MARK1: variants seen among roughly 807,000 people sequenced by gnomAD.
MARK1 encodes microtubule affinity regulating kinase 1.
A neutral mutation model predicts 96.3 loss-of-function variants in MARK1; 40 were observed. The ratio of observed to expected loss-of-function variants is 0.42; its 90% CI spans 0.32 to 0.54. The LOEUF (loss-of-function observed/expected upper bound fraction) is 0.54, where lower values mean the gene tolerates loss of function less well. MARK1 is among the 20% of genes least tolerant of loss of function. MARK1 has a pLI of 0.16. For missense variants in MARK1, 719 were observed against 984.6 expected, an observed-to-expected ratio of 0.73 and a Z score of 3.61; for synonymous variants, 317 against 341.2, an observed-to-expected ratio of 0.93 and a Z score of 0.78.
At chr1:220,631,692 T>C (rs2103006288) in intron 10 of MARK1, among the ~76,000 whole-genome samples, 1 of 152,300 alleles carries the variant, frequency 6.6e-6, no homozygotes, top group East Asian at 1.9e-4. Context: ...TGTGTTCCTA[T>C]CTGGCTTGAG....
At chr1:220,617,144 TCA>T (rs1315606867) in intron 7 of MARK1, among the ~76,000 whole-genome samples, 1 of 152,192 alleles carries the variant, frequency 6.6e-6, no homozygotes, top group African/African-American at 2.4e-5. Flanking sequence ...CCTGGTTTTG[TCA>T]CAGTTCAAAA....
intron 1 of MARK1, among the ~76,000 whole-genome samples, chr1:220,539,473 G>A (rs1317752507): frequency 6.6e-6 from 1 of 152,172 alleles, no homozygotes; most frequent in Non-Finnish European, 1.5e-5. Context: ...TGGTTTGCCA[G>A]TATTCTATTG....
chr1:220,590,986 C>A (rs1232146327), intron 3 of MARK1, among the ~76,000 whole-genome samples: 1 of 152,098 alleles, frequency 6.6e-6, no homozygotes, highest in Non-Finnish European at 1.5e-5. Flanking sequence ...TTTGGCCCTG[C>A]CTACACGTCT....
chr1:220,605,557 G>A (rs1009988820), intron 6 of MARK1, among the ~76,000 whole-genome samples: 3 of 151,044 alleles, frequency 2.0e-5, no homozygotes, highest in African/African-American at 7.3e-5. Context: ...GGGTACATGT[G>A]CACAACATGC....
chr1:220,604,675 C>T (rs1321305274), intron 6 of MARK1, among the ~76,000 whole-genome samples: 1 of 151,456 alleles, frequency 6.6e-6, no homozygotes, highest in Non-Finnish European at 1.5e-5. Flanking sequence ...ATTTCCAGTT[C>T]AACTTGAATA....
At chr1:220,628,805 G>T (rs896197679) in intron 9 of MARK1, among the ~76,000 whole-genome samples, 1 of 151,846 alleles carries the variant, frequency 6.6e-6, no homozygotes, top group African/African-American at 2.4e-5. Flanking sequence ...TGTATCATGT[G>T]GCTGGGCATG....
At chr1:220,575,456 T>C (rs983528306) in intron 1 of MARK1, among the ~76,000 whole-genome samples, 12 of 152,200 alleles carry the variant, frequency 7.9e-5, no homozygotes, top group Admixed American at 1.3e-4. Flanking sequence ...TCTTGCCACA[T>C]TTTCTATTTG....
intron 1 of MARK1, among the ~76,000 whole-genome samples, chr1:220,534,477 A>G (rs1301409483): frequency 2.0e-5 from 3 of 151,944 alleles, no homozygotes; most frequent in Non-Finnish European, 4.4e-5. Context: ...TTAACCACCA[A>G]TCTACTCTCT....
At chr1:220,594,395 C>T (rs746137086) in intron 3 of MARK1, among the ~76,000 whole-genome samples, 2 of 152,132 alleles carry the variant, frequency 1.3e-5, no homozygotes, top group Non-Finnish European at 2.9e-5. Flanking sequence ...GTTTGTGGAG[C>T]AACAGGAACT....
Position 220,627,194 on chromosome 1 carries a change from A to G in MARK1, c.910-3841A>G, listed in dbSNP as rs879290568. On this transcript the variant is annotated intron_variant, in intron 9 of 17. Coordinates refer to ENST00000366917, the MANE Select transcript of MARK1 (RefSeq NM_018650.5). ...CCTGAGGAGAGTGGCGATGAGAGCGAAGAAGACCCTGACAAATGGATCTCG... is the reference window on the plus strand; with the variant it reads ...CCTGAGGAGAGTGGCGATGAGAGCGGAGAAGACCCTGACAAATGGATCTCG... The G allele has an allele frequency of 1.7e-5, 8 of 476,996 alleles. No individual in the cohort carries two copies. In the East Asian group the frequency reaches 4.6e-4, roughly 27 times the overall value. The allele number at this position is 476,996 out of a possible 1,614,324, so 29.5% of individuals were successfully genotyped here.
intron 13 of MARK1, among the ~76,000 whole-genome samples, chr1:220,644,559 C>G (rs1668479111): frequency 6.7e-6 from 1 of 150,272 alleles, no homozygotes; most frequent in Non-Finnish European, 1.5e-5. Context: ...AGGACTTGAA[C>G]TCAGCTCTGG....
At chr1:220,626,848 C>T in intron 9 of MARK1, 1 of 406,890 alleles carries the variant, frequency 2.5e-6, no homozygotes, top group East Asian at 5.8e-5. Flanking sequence ...TTGAGGGGGG[C>T]ATGCCAAGTG....
At chr1:220,554,947 G>A (rs2102755334) in intron 1 of MARK1, among the ~76,000 whole-genome samples, 1 of 152,344 alleles carries the variant, frequency 6.6e-6, no homozygotes, top group Non-Finnish European at 1.5e-5. Flanking sequence ...GTAAGCCCAA[G>A]CAGTTCTAAT....
At chr1:220,635,202 C>T (rs115765403) in intron 11 of MARK1, among the ~76,000 whole-genome samples, 174 bp from the exon 12 acceptor site, 142 of 152,212 alleles carry the variant, frequency 9.3e-4, no homozygotes, top group African/African-American at 3.2e-3. Context: ...ATCCAGTTCA[C>T]CCCTTTTCCT....
intron 1 of MARK1, among the ~76,000 whole-genome samples, chr1:220,533,710 G>A (rs1333717326): frequency 1.3e-5 from 2 of 152,122 alleles, no homozygotes; most frequent in Non-Finnish European, 2.9e-5. Context: ...TTTGGTGTGT[G>A]ATCCTTTCTG....
intron 1 of MARK1, among the ~76,000 whole-genome samples, chr1:220,568,522 C>A (rs1663218661): frequency 6.6e-6 from 1 of 152,018 alleles, no homozygotes; most frequent in African/African-American, 2.4e-5. Flanking sequence ...TTAGTCTTAC[C>A]TTATTGGTCA....
intron 5 of MARK1, among the ~76,000 whole-genome samples, chr1:220,600,830 G>A (rs557023991): frequency 3.3e-5 from 5 of 151,688 alleles, no homozygotes; most frequent in African/African-American, 9.7e-5. Context: ...AGAATAAAAA[G>A]GATTTATCTA....
intron 1 of MARK1, among the ~76,000 whole-genome samples, chr1:220,539,325 A>G (rs1660964472): frequency 6.6e-6 from 1 of 152,220 alleles, no homozygotes; most frequent in Non-Finnish European, 1.5e-5. Context: ...TATTGAGATA[A>G]TCATGTGGTT....
At chr1:220,538,571 T>C (rs1489684923) in intron 1 of MARK1, among the ~76,000 whole-genome samples, 3 of 152,092 alleles carry the variant, frequency 2.0e-5, no homozygotes, top group Admixed American at 1.3e-4. Context: ...TTTGGTTCCA[T>C]ATGAACTTTA....
Sources: gnomAD v4.1 joint callset for allele counts (sites outside exome capture counted in the v4.1 genomes callset) on GRCh38, gnomAD v4.1.1 for gene constraint, MANE v1.5 for transcripts, NCBI Gene and HGNC (gene_info 2026-07-23, HGNC 2026-07-21) for gene names.